Variants in PCDH15 observed in about 807,000 individuals in gnomAD.
The protein encoded by PCDH15 is protocadherin related 15, also known as protocadherin-15.
In PCDH15, 129 loss-of-function variants were observed where a neutral mutation model predicts 178.5. The ratio of observed to expected loss-of-function variants is 0.72; its 90% CI spans 0.63 to 0.84. The LOEUF (loss-of-function observed/expected upper bound fraction) is 0.84. PCDH15 is among the 40% of genes least tolerant of loss of function. The pLI is 0.00. For synonymous variants in PCDH15, 800 were observed against 732.0 expected, an observed-to-expected ratio of 1.09 and a Z score of -1.50; for missense variants, 2,230 against 2,099.9, an observed-to-expected ratio of 1.06 and a Z score of -1.21.
chr10:54,911,171 G>C (rs1954807868), intron 2 of PCDH15, among the ~76,000 whole-genome samples: 1 of 152,124 alleles, frequency 6.6e-6, no homozygotes, highest in Non-Finnish European at 1.5e-5. Flanking sequence ...CAGGTCTTCA[G>C]ATGCAGATCA....
intron 2 of PCDH15, among the ~76,000 whole-genome samples, chr10:55,407,918 T>C (rs558595385): frequency 6.6e-6 from 1 of 152,268 alleles, no homozygotes; most frequent in East Asian, 1.9e-4. Flanking sequence ...CAAGGACAAG[T>C]AATTAGCAGC....
At chr10:55,199,633 G>A (rs1472922448) in intron 1 of PCDH15, among the ~76,000 whole-genome samples, 1 of 152,056 alleles carries the variant, frequency 6.6e-6, no homozygotes, top group African/African-American at 2.4e-5. Context: ...TGCCTCCAGG[G>A]CATTTCAGGG....
chr10:55,173,341 G>GTGTT (rs1554837628), intron 1 of PCDH15, among the ~76,000 whole-genome samples: 1,889 of 146,028 alleles, frequency 0.013, 184 homozygotes, highest in Non-Finnish European at 0.017. Context: ...GTGTGTGTGT[G>GTGTT]TGTGTATGTG....
chr10:54,762,306 TGTC>T (rs1281365402), intron 1 of PCDH15, among the ~76,000 whole-genome samples: 18 of 152,238 alleles, frequency 1.2e-4, no homozygotes, highest in African/African-American at 3.6e-4. Flanking sequence ...TAGCAGAACA[TGTC>T]GTACTTAAAA....
intron 1 of PCDH15, among the ~76,000 whole-genome samples, chr10:55,255,337 T>G (rs1244312882): frequency 1.3e-5 from 2 of 152,252 alleles, no homozygotes; most frequent in Non-Finnish European, 1.5e-5. Flanking sequence ...CACATTTTCT[T>G]AATCCAGTCT....
chr10:54,503,896 A>G (rs960559753), intron 3 of PCDH15, among the ~76,000 whole-genome samples: 3 of 152,066 alleles, frequency 2.0e-5, no homozygotes, highest in African/African-American at 7.2e-5. Flanking sequence ...TGAAAACAGG[A>G]TCCCAACAAC....
intron 2 of PCDH15, among the ~76,000 whole-genome samples, chr10:54,536,563 A>G (rs1781450): frequency 0.28 from 43,081 of 151,944 alleles, 6,784 homozygotes; most frequent in East Asian, 0.44. Context: ...GGTATACTGT[A>G]AGGTTTGGGA....
intron 2 of PCDH15, among the ~76,000 whole-genome samples, chr10:55,404,677 T>C (rs145916485): frequency 6.6e-6 from 1 of 151,964 alleles, no homozygotes; most frequent in African/African-American, 2.4e-5. Context: ...CATAATTATG[T>C]CTTTAGTGGG....
chr10:54,862,768 T>C (rs1483852084), intron 3 of PCDH15, among the ~76,000 whole-genome samples: 1 of 152,218 alleles, frequency 6.6e-6, no homozygotes, highest in African/African-American at 2.4e-5. Flanking sequence ...ATGCTCACTG[T>C]CCTTTCACTT....
chr10:54,089,926 C>A, intron 16 of PCDH15, 58 bp downstream of exon 16: 7 of 1,339,418 alleles, frequency 5.2e-6, no homozygotes, highest in Non-Finnish European at 7.5e-6. Context: ...AGTCTGCTTT[C>A]TTACTAACAG....
chr10:54,317,334 C>T lies in PCDH15; in HGVS notation c.813G>A (p.Val271=), dbSNP rs1412002103. The T allele has an allele frequency of 6.2e-7, 1 of 1,613,934 alleles. No homozygotes were observed. Among genetic ancestry groups the T allele is most frequent in the Admixed American group, 1.7e-5 (1 of 59,968 alleles). The change falls in exon 8 of 38, where the codon GTG becomes GTA. Residue 271 remains valine, a synonymous_variant. Transcript: ENST00000644397. ...GTGGACGGCAATCACGAGTGTTTGG[C>T]ACAAGGACACAAGGAAGAAACATTG... ...LGPMFLPCVL[V]PNTRDCRPLT...
chr10:54,477,590 T>C (rs975162244), intron 3 of PCDH15, among the ~76,000 whole-genome samples: 1 of 152,182 alleles, frequency 6.6e-6, no homozygotes, highest in Non-Finnish European at 1.5e-5. Flanking sequence ...ACGAATATAT[T>C]TTTTAACTTT....
chr10:54,351,483 A>G (rs746608702), intron 5 of PCDH15, among the ~76,000 whole-genome samples: 3 of 152,148 alleles, frequency 2.0e-5, no homozygotes, highest in Non-Finnish European at 4.4e-5. Context: ...AAACTGGTTC[A>G]TCAGTAGAAA....
chr10:54,938,676 A>G (rs1172387834), intron 2 of PCDH15, among the ~76,000 whole-genome samples: 1 of 152,202 alleles, frequency 6.6e-6, no homozygotes, highest in East Asian at 1.9e-4. Context: ...GAAACTGTTG[A>G]TATGTTAATT....
intron 2 of PCDH15, among the ~76,000 whole-genome samples, chr10:55,569,767 TATG>T (rs1321415880): frequency 6.6e-6 from 1 of 151,974 alleles, no homozygotes; most frequent in African/African-American, 2.4e-5. Context: ...TAATAAAAAG[TATG>T]ATATTTAATG....
chr10:55,362,320 G>C (rs935294935), intron 2 of PCDH15, among the ~76,000 whole-genome samples: 4 of 152,034 alleles, frequency 2.6e-5, no homozygotes, highest in Admixed American at 6.6e-5. Context: ...AAATATTTAT[G>C]GCACATTCAT....
At chr10:55,082,025 G>C (rs1461781808) in intron 2 of PCDH15, among the ~76,000 whole-genome samples, 1 of 151,778 alleles carries the variant, frequency 6.6e-6, no homozygotes, top group Non-Finnish European at 1.5e-5. Flanking sequence ...TATCCAGACA[G>C]AAAAGCAAAA....
intron 2 of PCDH15, among the ~76,000 whole-genome samples, chr10:55,529,158 T>G (rs1356591530): frequency 6.6e-6 from 1 of 152,116 alleles, no homozygotes; most frequent in Non-Finnish European, 1.5e-5. Flanking sequence ...TTGCAAAAAT[T>G]TTCTCCCATT....
At chr10:54,207,687 C>T (rs1340193683) in intron 10 of PCDH15, among the ~76,000 whole-genome samples, 5 of 151,918 alleles carry the variant, frequency 3.3e-5, no homozygotes, top group Non-Finnish European at 5.9e-5. Flanking sequence ...TAGCAGAAAA[C>T]CTGAAGGATA....
Sources: gnomAD v4.1 joint callset for allele counts (sites outside exome capture counted in the v4.1 genomes callset) on GRCh38, gnomAD v4.1.1 for gene constraint, MANE v1.5 for transcripts, NCBI Gene and HGNC (gene_info 2026-07-23, HGNC 2026-07-21) for gene names.